CSMD2: variants seen among roughly 807,000 people sequenced by gnomAD.
The protein encoded by CSMD2 is CUB and Sushi multiple domains 2, also known as CUB and sushi domain-containing protein 2.
In CSMD2, 130 loss-of-function variants were observed where a neutral mutation model predicts 398.5. That is an observed-to-expected ratio of 0.33 (90% CI 0.28 to 0.38). CSMD2 has a LOEUF of 0.38. CSMD2 is among the 10% of genes least tolerant of loss of function. The pLI, the probability that CSMD2 is intolerant of heterozygous loss-of-function variation, is 1.00. For missense variants in CSMD2, 3,829 were observed against 4,764.9 expected, an observed-to-expected ratio of 0.80 and a Z score of 5.78; for synonymous variants, 1,828 against 1,908.5, an observed-to-expected ratio of 0.96 and a Z score of 1.10.
At chr1:33,549,892 G>A (rs1238246209) in intron 56 of CSMD2, among the ~76,000 whole-genome samples, 2 of 152,214 alleles carry the variant, frequency 1.3e-5, no homozygotes, top group Admixed American at 1.3e-4. Context: ...GTCTGGACAG[G>A]ACTCTGGCCA....
chr1:33,731,459 C>T (rs1242504014), intron 15 of CSMD2, among the ~76,000 whole-genome samples: 1 of 151,966 alleles, frequency 6.6e-6, no homozygotes, highest in Non-Finnish European at 1.5e-5. Context: ...AATGGAAGTT[C>T]AATCTGATTA....
intron 1 of CSMD2, among the ~76,000 whole-genome samples, chr1:34,161,090 C>A (rs969784932): frequency 6.6e-6 from 1 of 152,048 alleles, no homozygotes; most frequent in Non-Finnish European, 1.5e-5. Flanking sequence ...AATTTGATGA[C>A]CATATGATAA....
At chr1:33,990,069 G>A (rs1401057538) in intron 3 of CSMD2, among the ~76,000 whole-genome samples, 2 of 151,882 alleles carry the variant, frequency 1.3e-5, no homozygotes, top group African/African-American at 4.8e-5. Context: ...TCCGGCATTC[G>A]AGACCAGCCT....
chr1:33,763,038 T>C (rs1557856950), intron 13 of CSMD2, among the ~76,000 whole-genome samples: 2 of 152,322 alleles, frequency 1.3e-5, no homozygotes, highest in Admixed American at 6.5e-5. Context: ...AACTGAGTTA[T>C]GGCAGCTCAG....
chr1:33,993,148 C>T (rs1251866674), intron 3 of CSMD2, among the ~76,000 whole-genome samples: 1 of 152,076 alleles, frequency 6.6e-6, no homozygotes, highest in Non-Finnish European at 1.5e-5. Flanking sequence ...ATTTACAGTG[C>T]TGTGAATGTA....
chr1:34,130,135 C>T (rs4653392), intron 1 of CSMD2, among the ~76,000 whole-genome samples: 53,762 of 151,870 alleles, frequency 0.35, 10,506 homozygotes, highest in East Asian at 0.63. Flanking sequence ...ACTGGGGGTA[C>T]AGAGTCCCTG....
intron 44 of CSMD2, among the ~76,000 whole-genome samples, chr1:33,598,504 C>A (rs1461900519): frequency 6.6e-6 from 1 of 152,042 alleles, no homozygotes; most frequent in Non-Finnish European, 1.5e-5. Context: ...TGGGTGACTT[C>A]TAAACAACAG....
chr1:33,831,275 C>T (rs185311652), intron 6 of CSMD2, among the ~76,000 whole-genome samples: 23 of 152,240 alleles, frequency 1.5e-4, no homozygotes, highest in African/African-American at 5.1e-4. Flanking sequence ...GGTTAGGTTA[C>T]CCACAAAGGG....
chr1:33,846,649 G>A (rs1244829965), intron 6 of CSMD2, among the ~76,000 whole-genome samples: 1 of 152,202 alleles, frequency 6.6e-6, no homozygotes, highest in East Asian at 1.9e-4. Flanking sequence ...TGATTAGCCT[G>A]GCATGTGAGG....
At chr1:34,155,858 T>C (rs528754514) in intron 1 of CSMD2, among the ~76,000 whole-genome samples, 3 of 152,336 alleles carry the variant, frequency 2.0e-5, no homozygotes, top group East Asian at 1.9e-4. Context: ...CATCATTGCA[T>C]AGACACACTG....
At chr1:33,524,853 C>A in intron 66 of CSMD2, 29 bp downstream of exon 66, 1 of 1,609,894 alleles carries the variant, frequency 6.2e-7, no homozygotes, top group Non-Finnish European at 8.5e-7. Context: ...TCCATCCTCC[C>A]GGCTTTCATA....
intron 15 of CSMD2, among the ~76,000 whole-genome samples, chr1:33,734,015 A>G (rs1270539191): frequency 6.6e-6 from 1 of 152,212 alleles, no homozygotes. Flanking sequence ...ATAAAGCACA[A>G]TTACATCTTT....
chr1:33,922,388 A>G (rs1643974492), intron 4 of CSMD2, among the ~76,000 whole-genome samples: 1 of 152,186 alleles, frequency 6.6e-6, no homozygotes, highest in Non-Finnish European at 1.5e-5. Flanking sequence ...GCTCAGGAGC[A>G]GGCACAGCCA....
In CSMD2 at chr1:33,928,733, G is replaced by A. The variant is rs539321695; in HGVS notation, c.712+7027C>T. Among the ~76,000 whole-genome samples, 93 of 152,290 alleles carry A rather than the reference G, an allele frequency of 6.1e-4. 2 individuals carry two copies. The highest frequency in any genetic ancestry group is 9.8e-4 in the Admixed American group (15 of 15,298). On this transcript the variant is annotated intron_variant, in intron 4 of 70. Coordinates refer to ENST00000373381, the MANE Select transcript of CSMD2 (RefSeq NM_001281956.2). ...CCAGTAGCAGTAGAGTTACCCTATC[G>A]TAAAGAGTGGCCTTGGGTAGCTGTG...
intron 46 of CSMD2, among the ~76,000 whole-genome samples, chr1:33,584,899 A>G (rs1339905318): frequency 6.6e-6 from 1 of 152,086 alleles, no homozygotes; most frequent in African/African-American, 2.4e-5. Flanking sequence ...GAGGAGCTGG[A>G]GGAGCAGGAT....
intron 2 of CSMD2, among the ~76,000 whole-genome samples, chr1:34,056,920 C>G (rs1000347437): frequency 2.6e-5 from 4 of 152,198 alleles, no homozygotes; most frequent in Non-Finnish European, 5.9e-5. Context: ...TTGGGGAACA[C>G]TGGGAGTGAG....
At chr1:33,790,673 A>G (rs915187276) in intron 11 of CSMD2, among the ~76,000 whole-genome samples, 7 of 89,408 alleles carry the variant, frequency 7.8e-5, no homozygotes, top group African/African-American at 2.2e-4. Context: ...CTATCTATCT[A>G]TCTATCTATC....
intron 5 of CSMD2, among the ~76,000 whole-genome samples, chr1:33,861,597 T>C (rs1017509500): frequency 6.6e-6 from 1 of 152,224 alleles, no homozygotes; most frequent in African/African-American, 2.4e-5. Flanking sequence ...CTCATTACTC[T>C]TCTCTATTAA....
intron 2 of CSMD2, among the ~76,000 whole-genome samples, chr1:34,056,290 C>T (rs1653820935): frequency 6.6e-6 from 1 of 152,188 alleles, no homozygotes; most frequent in Non-Finnish European, 1.5e-5. Context: ...ACACATCCCT[C>T]TATGCTGCAC....
Sources: gnomAD v4.1 joint callset for allele counts (sites outside exome capture counted in the v4.1 genomes callset) on GRCh38, gnomAD v4.1.1 for gene constraint, MANE v1.5 for transcripts, NCBI Gene and HGNC (gene_info 2026-07-23, HGNC 2026-07-21) for gene names.